The following CADM1 variants were observed in gnomAD, a reference collection of about 807,000 sequenced individuals.
CADM1 encodes TSLC-1.
CADM1 carries 15 observed loss-of-function variants against 53.1 expected under a neutral mutation model. That is an observed-to-expected ratio of 0.28 (90% confidence interval 0.19 to 0.44). The LOEUF is 0.44. Among genes scored for constraint, CADM1 ranks in the 20% least tolerant of loss-of-function variants. CADM1 has a pLI of 1.00. For missense variants in CADM1, 434 were observed against 611.3 expected (o/e 0.71, Z 3.06); for synonymous variants, 281 against 243.0 (o/e 1.16, Z -1.45).
At chr11:115,322,193 T>C (rs1944841048) in intron 1 of CADM1, among the ~76,000 whole-genome samples, 1 of 152,130 alleles carries the variant, frequency 6.6e-6, no homozygotes, top group Non-Finnish European at 1.5e-5. Flanking sequence ...AAACAATCCT[T>C]CCACACACTG....
At chr11:115,458,541 C>T (rs943028780) in intron 1 of CADM1, among the ~76,000 whole-genome samples, 10 of 148,866 alleles carry the variant, frequency 6.7e-5, no homozygotes, top group African/African-American at 1.2e-4. Flanking sequence ...TTACATTATA[C>T]CCTGCCCCTA....
At chr11:115,360,315 ATTGCTGATAAGAGTTTTATGTTCC>A (rs1945993599) in intron 1 of CADM1, among the ~76,000 whole-genome samples, 1 of 152,166 alleles carries the variant, frequency 6.6e-6, no homozygotes. Flanking sequence ...ATTAAATTAT[ATTGCTGATAAGAGTTTTATGTTCC>A]TCGGCATAGA....
Position 115,373,583 on chromosome 11 carries a change from CAAAAAAAAAAAAAA to C in CADM1, c.124+130674_124+130687del, listed in dbSNP as rs35059216. Among the ~76,000 whole-genome samples, 34 of 48,832 alleles carry C rather than the reference CAAAAAAAAAAAAAA, an allele frequency of 7.0e-4. No individual in the cohort carries two copies. In the East Asian group the frequency reaches 0.012, roughly 17 times the overall value. The allele number at this position is 48,832 out of a possible 152,430, so 32.0% of individuals were successfully genotyped here. On this transcript the variant is annotated intron_variant, in intron 1 of 11. Transcript: ENST00000331581. ...TGGGTGACAGAGCAAGACTCTGTCTCAAAAAAAAAAAAAAAAAAAAAAAAAGAAGAAGAAGAAGA... is the reference window on the plus strand; with the variant it reads ...TGGGTGACAGAGCAAGACTCTGTCTCAAAAAAAAAAAGAAGAAGAAGAAGA...
intron 1 of CADM1, among the ~76,000 whole-genome samples, chr11:115,262,131 C>A (rs1254100037): frequency 6.6e-6 from 1 of 150,516 alleles, no homozygotes; most frequent in Non-Finnish European, 1.5e-5. Context: ...TTGTGTCACA[C>A]TTTTTTTGTC....
At chr11:115,434,896 T>C (rs1235648299) in intron 1 of CADM1, among the ~76,000 whole-genome samples, 1 of 147,738 alleles carries the variant, frequency 6.8e-6, no homozygotes, top group Non-Finnish European at 1.5e-5. Context: ...AGTCTCACTC[T>C]GTCACCCAGG....
At chr11:115,488,516 A>T (rs961822390) in intron 1 of CADM1, among the ~76,000 whole-genome samples, 1 of 152,202 alleles carries the variant, frequency 6.6e-6, no homozygotes. Context: ...AAACGCATTT[A>T]AAAAATATTA....
chr11:115,266,687 T>C (rs1262910708), intron 1 of CADM1, among the ~76,000 whole-genome samples: 3 of 152,246 alleles, frequency 2.0e-5, no homozygotes, highest in Non-Finnish European at 4.4e-5. Context: ...CAGTAATATC[T>C]GTCATTCCGT....
chr11:115,466,940 C>G (rs938116450), intron 1 of CADM1, among the ~76,000 whole-genome samples: 1 of 152,184 alleles, frequency 6.6e-6, no homozygotes, highest in African/African-American at 2.4e-5. Flanking sequence ...ACATCACTTA[C>G]CAGCCAACAT....
At chr11:115,390,946 A>C (rs1946821865) in intron 1 of CADM1, among the ~76,000 whole-genome samples, 1 of 152,236 alleles carries the variant, frequency 6.6e-6, no homozygotes, top group African/African-American at 2.4e-5. Context: ...TTTAAAACTT[A>C]TGTGAGGCAC....
chr11:115,490,584 G>A (rs1389596318), intron 1 of CADM1, among the ~76,000 whole-genome samples: 1 of 151,878 alleles, frequency 6.6e-6, no homozygotes, highest in Non-Finnish European at 1.5e-5. Flanking sequence ...TTTTTCAGTA[G>A]AGACAGGGTT....
intron 1 of CADM1, among the ~76,000 whole-genome samples, chr11:115,346,144 G>A (rs1945570912): frequency 6.6e-6 from 1 of 152,112 alleles, no homozygotes; most frequent in Middle Eastern, 3.2e-3. Flanking sequence ...GCAAAGTGGG[G>A]TGCAGCCACC....
chr11:115,504,299 G>C lies in CADM1; in HGVS notation c.96C>G (p.Leu32=). ...PGLRLRLLLL[L]FSAAALIPTG... ...TGGGGATCAGTGCCGCGGCGGAGAA[G>C]AGCAACAGCAGAAGCCGGAGCCGGA... Residue 32 remains leucine, a synonymous_variant, in exon 1 of 12, where the codon CTC becomes CTG. Transcript: ENST00000331581. 4 of 1,566,456 alleles carry C rather than the reference G, an allele frequency of 2.6e-6. No homozygotes were observed. The highest frequency in any genetic ancestry group is 3.5e-6 in the Non-Finnish European group (4 of 1,156,312).
intron 1 of CADM1, among the ~76,000 whole-genome samples, chr11:115,494,139 G>A (rs1949559365): frequency 6.6e-6 from 1 of 151,990 alleles, no homozygotes; most frequent in Admixed American, 6.5e-5. Context: ...ATTATTGAGA[G>A]AGAGAGAGAA....
chr11:115,266,789 TA>T (rs1943152311), intron 1 of CADM1, among the ~76,000 whole-genome samples: 1 of 152,190 alleles, frequency 6.6e-6, no homozygotes, highest in African/African-American at 2.4e-5. Flanking sequence ...TGTATCTTAA[TA>T]AAAAAGGGAT....
chr11:115,468,626 T>C (rs1311482894), intron 1 of CADM1, among the ~76,000 whole-genome samples: 3 of 152,164 alleles, frequency 2.0e-5, no homozygotes, highest in African/African-American at 4.8e-5. Context: ...AGCACCTTAC[T>C]GTAGTTTTGT....
chr11:115,298,932 T>A (rs555823553), intron 1 of CADM1, among the ~76,000 whole-genome samples: 1 of 152,314 alleles, frequency 6.6e-6, no homozygotes, highest in Non-Finnish European at 1.5e-5. Context: ...CTCTCTGATG[T>A]TACCTGAACA....
At chr11:115,214,050 T>C (rs1941073557) in intron 7 of CADM1, among the ~76,000 whole-genome samples, 1 of 128,818 alleles carries the variant, frequency 7.8e-6, no homozygotes, top group African/African-American at 2.5e-5. Context: ...TGTAAAATGA[T>C]ATTAAAAAAA....
intron 5 of CADM1, among the ~76,000 whole-genome samples, chr11:115,221,666 TC>T (rs1941410564): frequency 6.6e-6 from 1 of 152,196 alleles, no homozygotes; most frequent in African/African-American, 2.4e-5. Flanking sequence ...TATTTCAGTT[TC>T]CTATGTAAAT....
At chr11:115,194,620 G>A (rs1940060607) in intron 9 of CADM1, among the ~76,000 whole-genome samples, 2 of 152,178 alleles carry the variant, frequency 1.3e-5, no homozygotes, top group Non-Finnish European at 2.9e-5. Context: ...GAAAAAGCAA[G>A]AGGACAGGTA....
Sources: allele counts gnomAD v4.1 joint callset (sites outside exome capture counted in the v4.1 genomes callset), GRCh38; gene constraint gnomAD v4.1.1; transcripts MANE v1.5; gene names NCBI Gene and HGNC (gene_info 2026-07-23, HGNC 2026-07-21).